The following TNR variants were observed in gnomAD, a reference collection of about 807,000 sequenced individuals.
TNR encodes tenascin R, also known as tenascin-R.
TNR carries 45 observed loss-of-function variants against 150.4 expected under a neutral mutation model. The ratio of observed to expected loss-of-function variants is 0.30; its 90% CI spans 0.24 to 0.38. The LOEUF is 0.38. Among genes scored for constraint, TNR ranks in the 10% least tolerant of loss-of-function variants. The pLI is 1.00. For synonymous variants in TNR, 687 were observed against 678.4 expected, an observed-to-expected ratio of 1.01 and a Z score of -0.20; for missense variants, 1,544 against 1,759.1, an observed-to-expected ratio of 0.88 and a Z score of 2.19.
chr1:175,616,881 G>A (rs140831895), intron 1 of TNR, among the ~76,000 whole-genome samples: 235 of 152,262 alleles, frequency 1.5e-3, no homozygotes, highest in Middle Eastern at 3.4e-3. Flanking sequence ...CTAAGTCTCA[G>A]TTTCTTGGAC....
At chr1:175,545,527 G>C (rs1660652385) in intron 1 of TNR, among the ~76,000 whole-genome samples, 1 of 152,188 alleles carries the variant, frequency 6.6e-6, no homozygotes, top group South Asian at 2.1e-4. Flanking sequence ...GAGACTGAAA[G>C]TGCACTGAGG....
intron 1 of TNR, among the ~76,000 whole-genome samples, chr1:175,638,823 A>G (rs1373587766): frequency 1.3e-5 from 2 of 152,218 alleles, no homozygotes; most frequent in Non-Finnish European, 2.9e-5. Context: ...GTTGGCATCT[A>G]GAATTTTTTT....
At chr1:175,514,920 T>C (rs1343628503) in intron 2 of TNR, among the ~76,000 whole-genome samples, 1 of 152,206 alleles carries the variant, frequency 6.6e-6, no homozygotes, top group Non-Finnish European at 1.5e-5. Context: ...AGTGGTTTCC[T>C]GCTGCAGGGA....
In TNR at chr1:175,322,275, C is replaced by G. The variant is rs1649096423; in HGVS notation, c.*1082G>C. The G allele has an allele frequency of 6.6e-6, 1 of 152,240 alleles. No homozygotes were observed. Among genetic ancestry groups the G allele is most frequent in the Non-Finnish European group, 1.5e-5 (1 of 68,072 alleles). The allele number at this position is 152,240 out of a possible 1,614,324, so 9.4% of individuals were successfully genotyped here. Reference sequence around the variant, plus strand: ...CTGATGACTCACAGGCACATAGCCACTGTGCCACCCAGGGCCAGGAGCAGG... The same window carrying G: ...CTGATGACTCACAGGCACATAGCCAGTGTGCCACCCAGGGCCAGGAGCAGG... On this transcript the variant is annotated 3_prime_UTR_variant, in exon 23 of 23. Transcript: ENST00000367674.
chr1:175,554,290 C>T (rs1331792693), intron 1 of TNR, among the ~76,000 whole-genome samples: 1 of 135,542 alleles, frequency 7.4e-6, no homozygotes, highest in South Asian at 2.4e-4. Context: ...TGCACAAATA[C>T]ATGCTTATAC....
At chr1:175,337,411 TG>T (rs955357094) in intron 19 of TNR, 116 bp downstream of exon 19, 12 of 1,223,772 alleles carry the variant, frequency 9.8e-6, no homozygotes, top group South Asian at 1.4e-5. Flanking sequence ...GATGGACATG[TG>T]GGGGGTGATA....
intron 1 of TNR, among the ~76,000 whole-genome samples, chr1:175,651,318 G>A (rs1310101026): frequency 1.3e-5 from 2 of 151,762 alleles, no homozygotes; most frequent in Non-Finnish European, 2.9e-5. Context: ...CCCAGGCAGA[G>A]GGTTCAGCAT....
At chr1:175,531,170 T>G (rs1660052885) in intron 1 of TNR, among the ~76,000 whole-genome samples, 1 of 152,226 alleles carries the variant, frequency 6.6e-6, no homozygotes, top group South Asian at 2.1e-4. Context: ...GCTGAGCAAC[T>G]GCCAAACTGA....
chr1:175,626,757 A>T (rs1214593214), intron 1 of TNR, among the ~76,000 whole-genome samples: 2 of 152,210 alleles, frequency 1.3e-5, no homozygotes, highest in African/African-American at 4.8e-5. Flanking sequence ...TAACCCTCAG[A>T]ACTTGTGAAT....
chr1:175,492,762 T>C (rs1156586440), intron 2 of TNR, among the ~76,000 whole-genome samples: 1 of 152,118 alleles, frequency 6.6e-6, no homozygotes, highest in Non-Finnish European at 1.5e-5. Flanking sequence ...ACAAGAGAGA[T>C]GTTGGGTTGA....
At chr1:175,431,635 C>CT (rs35340891) in intron 2 of TNR, among the ~76,000 whole-genome samples, 56,900 of 143,030 alleles carry the variant, frequency 0.4, 11,233 homozygotes, top group South Asian at 0.49. Flanking sequence ...CTGACAATAA[C>CT]TTTTTTTTTT....
At chr1:175,696,224 T>TG (rs1553254726) in intron 1 of TNR, among the ~76,000 whole-genome samples, 3 of 120,408 alleles carry the variant, frequency 2.5e-5, no homozygotes, top group African/African-American at 3.5e-5. Flanking sequence ...GTAGTTTTTT[T>TG]TTTTTTTTTT....
intron 2 of TNR, among the ~76,000 whole-genome samples, chr1:175,454,560 C>T (rs564594873): frequency 1.3e-5 from 2 of 152,080 alleles, no homozygotes; most frequent in East Asian, 3.9e-4. Flanking sequence ...AACCTCCCCT[C>T]TCCTGGGTTC....
chr1:175,437,235 G>A (rs1455804550), intron 2 of TNR, among the ~76,000 whole-genome samples: 7 of 152,234 alleles, frequency 4.6e-5, no homozygotes, highest in Admixed American at 1.3e-4. Context: ...ACTCAAAACC[G>A]CTCAACTACA....
At chr1:175,562,340 C>T (rs954923455) in intron 1 of TNR, among the ~76,000 whole-genome samples, 1 of 152,228 alleles carries the variant, frequency 6.6e-6, no homozygotes, top group African/African-American at 2.4e-5. Context: ...AACTCAGACA[C>T]ATTTATATGC....
chr1:175,568,959 T>C (rs1363358272), intron 1 of TNR, among the ~76,000 whole-genome samples: 1 of 152,176 alleles, frequency 6.6e-6, no homozygotes, highest in Non-Finnish European at 1.5e-5. Context: ...CACTTTTTTT[T>C]TTAAGTAAGA....
intron 2 of TNR, among the ~76,000 whole-genome samples, chr1:175,442,772 C>T (rs76318749): frequency 0.016 from 2,491 of 151,792 alleles, 136 homozygotes; most frequent in African/African-American, 0.057. Context: ...TTTCTCAAAG[C>T]AAACGTCAAC....
At chr1:175,510,517 C>G (rs1352557589) in intron 2 of TNR, among the ~76,000 whole-genome samples, 1 of 152,170 alleles carries the variant, frequency 6.6e-6, no homozygotes, top group Non-Finnish European at 1.5e-5. Flanking sequence ...TTTCCTATCC[C>G]TCTTCCAGGA....
At position 175,501,688 on chromosome 1, in the gene TNR, C is replaced by A. The variant is rs557074750; in HGVS notation, c.-64+26581G>T. Among the ~76,000 whole-genome samples, 4 of 152,340 alleles carry A rather than the reference C, an allele frequency of 2.6e-5. No homozygotes were observed. In the South Asian group the frequency reaches 8.3e-4, roughly 32 times the overall value. On this transcript the variant is annotated intron_variant, in intron 2 of 22. Coordinates refer to ENST00000367674, the MANE Select transcript of TNR (RefSeq NM_003285.3). Reference sequence around the variant, plus strand: ...TGGATATTTCTTGCCTCCTTCCTTCCTTCTTCTTAACTTCATCCTTTCTTC... The same window carrying A: ...TGGATATTTCTTGCCTCCTTCCTTCATTCTTCTTAACTTCATCCTTTCTTC...
Sources: gnomAD v4.1 joint callset for allele counts (sites outside exome capture counted in the v4.1 genomes callset) on GRCh38, gnomAD v4.1.1 for gene constraint, MANE v1.5 for transcripts, NCBI Gene and HGNC (gene_info 2026-07-23, HGNC 2026-07-21) for gene names.